The following OR6Y1 variants were observed in gnomAD, a reference collection of about 807,000 sequenced individuals.
OR6Y1 encodes olfactory receptor family 6 subfamily Y member 1.
A neutral mutation model predicts 0.4 loss-of-function variants in OR6Y1; 1 was observed. The ratio of observed to expected loss-of-function variants is 2.74; its 90% CI spans 0.97 to 13.02. OR6Y1 has a LOEUF of 13.02. Ranked by LOEUF, OR6Y1 falls within the 30% of genes most tolerant of loss-of-function variation. The probability of loss-of-function intolerance (pLI) is 0.12; values close to 1 mark genes in which losing one functional copy is unlikely to be tolerated. For synonymous variants in OR6Y1, 173 were observed against 141.1 expected (o/e 1.23, Z -1.60); for missense variants, 480 against 399.8 (o/e 1.20, Z -1.71).
In OR6Y1 at chr1:158,548,079, A is replaced by G. The variant is rs990924947; in HGVS notation, c.27T>C (p.Asp9=). Residue 9 remains aspartate, a synonymous_variant, in exon 2 of 2, where the codon GAT becomes GAC. Coordinates refer to ENST00000641622, the MANE Select transcript of OR6Y1 (RefSeq NM_001005189.2). ...TGAAACGTGTTGTCACTGTATGATT[A>G]TCTACTTCCAGAATTATGGTGGTCA... The part of the protein sequence containing the change: MTTIILEV[D]NHTVTTRFIL... The G allele has an allele frequency of 4.3e-6, 7 of 1,612,942 alleles. No homozygotes were observed. The highest frequency in any genetic ancestry group is 2.7e-5 in the African/African-American group (2 of 74,444).
At chr1:158,553,378 GATAC>G (rs1157188982) in intron 1 of OR6Y1, among the ~76,000 whole-genome samples, 3 of 152,038 alleles carry the variant, frequency 2.0e-5, no homozygotes, top group Admixed American at 6.6e-5. Flanking sequence ...ACAATAATAT[GATAC>G]ATAGTTTCAA....
intron 1 of OR6Y1, among the ~76,000 whole-genome samples, chr1:158,549,874 A>G (rs1571330901): frequency 6.6e-6 from 1 of 151,870 alleles, no homozygotes. Context: ...CTTAAAATCT[A>G]TTTGTGAAGA....
At chr1:158,550,897 G>A (rs775575472) in intron 1 of OR6Y1, among the ~76,000 whole-genome samples, 4 of 151,832 alleles carry the variant, frequency 2.6e-5, no homozygotes, top group Non-Finnish European at 5.9e-5. Flanking sequence ...TCACATTTGT[G>A]TATGTGAAAG....
chr1:158,547,572 C>T lies in OR6Y1; in HGVS notation c.534G>A (p.Gln178=). The T allele has an allele frequency of 6.2e-7, 1 of 1,613,242 alleles. No individual in the cohort carries two copies. Among genetic ancestry groups the T allele is most frequent in the Non-Finnish European group, 8.5e-7 (1 of 1,179,914 alleles). Residue 178 remains glutamine, a synonymous_variant, in exon 2 of 2, where the codon CAG becomes CAA. Coordinates refer to ENST00000641622, the MANE Select transcript of OR6Y1 (RefSeq NM_001005189.2). ...IAQLHYCGMP[Q]INHYFCDISP... Reference sequence around the variant, plus strand: ...AGATATCACAAAAGTAGTGATTGATCTGAGGCATGCCACAGTAGTGAAGTT... The same window carrying T: ...AGATATCACAAAAGTAGTGATTGATTTGAGGCATGCCACAGTAGTGAAGTT...
Position 158,546,620 on chromosome 1 carries a change from C to T in OR6Y1, c.*508G>A, listed in dbSNP as rs1398227542. ...TCAGGGGATCCTCCTGCCTCAGTCT[C>T]TTGAGTAGCTGGGACTACAGGTATG... is the stretch of plus-strand genomic sequence containing the variant. On this transcript the variant is annotated 3_prime_UTR_variant, in exon 2 of 2. Transcript: ENST00000641622. 2 of 152,934 alleles carry T rather than the reference C, an allele frequency of 1.3e-5. No individual in the cohort carries two copies. The highest frequency in any genetic ancestry group is 2.9e-5 in the Non-Finnish European group (2 of 68,680). 9.5% of individuals were successfully genotyped at this position (152,934 alleles called of 1,614,324 possible). A position where few individuals can be genotyped will look rare whatever the true frequency, so the allele number is the denominator to read the frequency against.
intron 1 of OR6Y1, among the ~76,000 whole-genome samples, chr1:158,553,664 C>T (rs1426957380): frequency 1.3e-5 from 2 of 152,070 alleles, no homozygotes; most frequent in Non-Finnish European, 2.9e-5. Context: ...TAACATAAAA[C>T]ACACATGCTT....
At chr1:158,549,593 G>C (rs1647645587) in intron 1 of OR6Y1, 56 bp from the exon 2 acceptor site, 1 of 151,700 alleles carries the variant, frequency 6.6e-6, no homozygotes, top group Non-Finnish European at 1.5e-5. Context: ...GAGGGAAATG[G>C]ACACAGATAA....
intron 1 of OR6Y1, among the ~76,000 whole-genome samples, chr1:158,553,318 C>G: frequency 6.6e-6 from 1 of 152,102 alleles, no homozygotes; most frequent in Non-Finnish European, 1.5e-5. Flanking sequence ...GGCACTATCA[C>G]TAGAAGTGAA....
In OR6Y1 at chr1:158,549,515, A is replaced by G. The variant is rs1244942890; in HGVS notation, c.-1410T>C. ...CCCATACTATCCATTTCCTCTTCCC[A>G]CTTAGATTTCAGCTTTAGATTCCTG... On this transcript the variant is annotated 5_prime_UTR_variant, in exon 2 of 2. Coordinates refer to ENST00000641622, the MANE Select transcript of OR6Y1 (RefSeq NM_001005189.2). 3 of 150,532 alleles carry G rather than the reference A, an allele frequency of 2.0e-5. No homozygotes were observed. The highest frequency in any genetic ancestry group is 2.0e-4 in the Admixed American group (3 of 15,124). The allele number at this position is 150,532 out of a possible 1,614,324, so 9.3% of individuals were successfully genotyped here. A position where few individuals can be genotyped will look rare whatever the true frequency, so the allele number is the denominator to read the frequency against.
rs1329740638 is a variant in OR6Y1 at position 158,548,134 on chromosome 1, T to A, written c.-29A>T. ...TGGCTGTGGGCACAGACAAAGTCAG[T>A]TCCTTCCATGACACAAGCACTAGTC... On this transcript the variant is annotated 5_prime_UTR_variant, in exon 2 of 2. Transcript: ENST00000641622. The A allele has an allele frequency of 1.3e-6, 2 of 1,592,822 alleles. No homozygotes were observed. The highest frequency in any genetic ancestry group is 1.7e-6 in the Non-Finnish European group (2 of 1,171,520).
rs1318614575 is a variant in OR6Y1, at chr1:158,546,102, A to G, written c.*1026T>C. ...TGCTCTCTGCCCTGTGTGTGTGCAC[A>G]TTGTCTTTCCTCTGTGTGTGTCTGT... is the stretch of plus-strand genomic sequence containing the variant. On this transcript the variant is annotated 3_prime_UTR_variant, in exon 2 of 2. Coordinates refer to ENST00000641622, the MANE Select transcript of OR6Y1 (RefSeq NM_001005189.2). 3.3e-5 allele frequency: 5 copies of G among 152,152 alleles called. No individual in the cohort carries two copies. The allele number at this position is 152,152 out of a possible 1,614,324, so 9.4% of individuals were successfully genotyped here.
rs1647585797 is a variant in OR6Y1, at chr1:158,547,682, T to C, written c.424A>G (p.Thr142Ala). The change falls in exon 2 of 2, where the codon ACC becomes GCC. Residue 142 changes from threonine to alanine, a missense_variant. Transcript: ENST00000641622. ...CNPLRYPVIM[T>A]NQLCGTLAGG... ...GCCAGTGTGCCACAGAGCTGGTTGGTCATGATGACTGGGTAGCGTAGTGGA... is the reference window on the plus strand; with the variant it reads ...GCCAGTGTGCCACAGAGCTGGTTGGCCATGATGACTGGGTAGCGTAGTGGA... 1 of 1,613,474 alleles carries C rather than the reference T, an allele frequency of 6.2e-7. No individual in the cohort carries two copies. The highest frequency in any genetic ancestry group is 8.5e-7 in the Non-Finnish European group (1 of 1,179,982).
chr1:158,545,516 T>C lies in OR6Y1; in HGVS notation c.*1612A>G, dbSNP rs1571328009. The C allele has an allele frequency of 6.7e-6, 1 of 148,624 alleles. No individual in the cohort carries two copies. The highest frequency in any genetic ancestry group is 2.0e-4 in the East Asian group (1 of 4,998). 9.2% of individuals were successfully genotyped at this position (148,624 alleles called of 1,614,324 possible). A position where few individuals can be genotyped will look rare whatever the true frequency, so the allele number is the denominator to read the frequency against. On this transcript the variant is annotated 3_prime_UTR_variant, in exon 2 of 2. Coordinates refer to ENST00000641622, the MANE Select transcript of OR6Y1 (RefSeq NM_001005189.2). Reference sequence around the variant, plus strand: ...AATAAAATAAAATAAAACCACTCATTGTGGATTCGATTTTCATTTCTCTAA... The same window carrying C: ...AATAAAATAAAATAAAACCACTCATCGTGGATTCGATTTTCATTTCTCTAA...
rs1049559471 is a variant in OR6Y1, at chr1:158,548,289, G to A, written c.-184C>T. 15 of 582,758 alleles carry A rather than the reference G, an allele frequency of 2.6e-5. 1 individual carries two copies. Among genetic ancestry groups the A allele is most frequent in the African/African-American group, 1.9e-4 (10 of 52,776 alleles). 36.1% of individuals were successfully genotyped at this position (582,758 alleles called of 1,614,324 possible). ...CTTTTGAGAAAAGATGGAATTTAGG[G>A]AGCTTATATTTTAACTTGTTTTCAG... On this transcript the variant is annotated 5_prime_UTR_variant, in exon 2 of 2. Transcript: ENST00000641622.
rs183128889 is a variant in OR6Y1 at position 158,552,793 on chromosome 1, G to A, written c.-1433+1473C>T. ...CTGCAGGGAGGTGAGAAAAAAAAGT[G>A]TAGGTTAGCCAGAGGTGGACATTGA... On this transcript the variant is annotated intron_variant, in intron 1 of 1. Transcript: ENST00000641622. Among the ~76,000 whole-genome samples the A allele has an allele frequency of 3.6e-3, 550 of 152,222 alleles. 6 individuals carry two copies. Among genetic ancestry groups the A allele is most frequent in the Non-Finnish European group, 6.2e-3 (422 of 68,008 alleles).
rs115504694 is a variant in OR6Y1 at position 158,547,353 on chromosome 1, G to A, written c.753C>T (p.Thr251=). Residue 251 remains threonine (T), a synonymous_variant, in exon 2 of 2, where the codon ACC becomes ACT. Transcript: ENST00000641622. Reference sequence around the variant, plus strand: ...TCATGGAATAGAAGAGAATTACGACGGTCAGGTGGGAGGCACAGGTGGAGA... The same window carrying A: ...TCATGGAATAGAAGAGAATTACGACAGTCAGGTGGGAGGCACAGGTGGAGA... ...KAFSTCASHL[T]VVILFYSMTL... 4,306 of 1,613,480 alleles carry A rather than the reference G, an allele frequency of 2.7e-3. 214 individuals carry two copies. In the African/African-American group the frequency reaches 0.049, roughly 18 times the overall value.
chr1:158,548,258 C>T lies in OR6Y1; in HGVS notation c.-153G>A, dbSNP rs1647609257. 1.4e-6 allele frequency: 1 copy of T among 708,110 alleles called. No individual in the cohort carries two copies. The highest frequency in any genetic ancestry group is 2.3e-6 in the Non-Finnish European group (1 of 440,348). 43.9% of individuals were successfully genotyped at this position (708,110 alleles called of 1,614,324 possible). A position where few individuals can be genotyped will look rare whatever the true frequency, so the allele number is the denominator to read the frequency against. On this transcript the variant is annotated 5_prime_UTR_variant, in exon 2 of 2. Transcript: ENST00000641622. The stretch of plus-strand genomic sequence containing the variant: ...ACTGCCTCTTGAATTATGAAGAGAA[C>T]CAAAGCTTTTGAGAAAAGATGGAAT...
At position 158,547,350 on chromosome 1, in the gene OR6Y1, G is replaced by C; in HGVS notation, c.756C>G (p.Val252=). The change falls in exon 2 of 2, where the codon GTC becomes GTG. Residue 252 remains valine, a synonymous_variant. Transcript: ENST00000641622. ...AFSTCASHLT[V]VILFYSMTLF... ...GTGTCATGGAATAGAAGAGAATTAC[G>C]ACGGTCAGGTGGGAGGCACAGGTGG... 2.5e-6 allele frequency: 4 copies of C among 1,613,506 alleles called. No individual in the cohort carries two copies. The highest frequency in any genetic ancestry group is 3.4e-6 in the Non-Finnish European group (4 of 1,179,986).
chr1:158,547,009 A>G lies in OR6Y1; in HGVS notation c.*119T>C, dbSNP rs1336142011. The stretch of plus-strand genomic sequence containing the variant: ...TACACACACACACACATGCACACAC[A>G]CACAGAGGAGAGCAGTGTTACAGTA... On this transcript the variant is annotated 3_prime_UTR_variant, in exon 2 of 2. Transcript: ENST00000641622. 1.0e-6 allele frequency: 1 copy of G among 953,766 alleles called. No individual in the cohort carries two copies. The highest frequency in any genetic ancestry group is 1.6e-6 in the Non-Finnish European group (1 of 639,798). The allele number at this position is 953,766 out of a possible 1,614,324, so 59.1% of individuals were successfully genotyped here. A position where few individuals can be genotyped will look rare whatever the true frequency, so the allele number is the denominator to read the frequency against.
Sources: allele counts gnomAD v4.1 joint callset (sites outside exome capture counted in the v4.1 genomes callset), GRCh38; gene constraint gnomAD v4.1.1; transcripts MANE v1.5; gene names NCBI Gene and HGNC (gene_info 2026-07-23, HGNC 2026-07-21).